Variants in TERF2 observed in about 807,000 individuals in gnomAD.
The protein encoded by TERF2 is telomeric repeat binding factor 2.
TERF2 carries 16 observed loss-of-function variants against 56.1 expected under a neutral mutation model. The ratio of observed to expected loss-of-function variants is 0.29; its 90% CI spans 0.19 to 0.43. The LOEUF is 0.43. TERF2 is among the 20% of genes least tolerant of loss of function. The pLI is 1.00. For synonymous variants in TERF2, 296 were observed against 282.1 expected (o/e 1.05, Z -0.50); for missense variants, 547 against 712.9 (o/e 0.77, Z 2.65).
rs560455013 is a variant in TERF2 at position 69,356,354 on chromosome 16, A to C, written c.*544T>G. ...AACGCTAATGATATTCTGGCACTGC[A>C]CAAGCTGTGTGCCTGTCATCTCTGC... On this transcript the variant is annotated 3_prime_UTR_variant, in exon 10 of 10. Coordinates refer to ENST00000254942, the MANE Select transcript of TERF2 (RefSeq NM_005652.5). 1 of 356,124 alleles carries C rather than the reference A, an allele frequency of 2.8e-6. No homozygotes were observed. The highest frequency in any genetic ancestry group is 5.5e-6 in the Non-Finnish European group (1 of 182,116). 22.1% of individuals were successfully genotyped at this position (356,124 alleles called of 1,614,324 possible). A position where few individuals can be genotyped will look rare whatever the true frequency, so the allele number is the denominator to read the frequency against.
intron 7 of TERF2, 48 bp downstream of exon 7, chr16:69,366,759 C>T: frequency 6.4e-7 from 1 of 1,559,336 alleles, no homozygotes; most frequent in Non-Finnish European, 8.7e-7. Context: ...CAGGCCCAAC[C>T]AGGACCACCA....
intron 9 of TERF2, 47 bp from the exon 10 acceptor site, chr16:69,357,103 T>G (rs764653255): frequency 3.2e-6 from 5 of 1,564,432 alleles, no homozygotes; most frequent in Non-Finnish European, 4.3e-6. Flanking sequence ...CCTCTCCACT[T>G]ACTTACATTT....
At chr16:69,381,529 C>T (rs559765649) in intron 3 of TERF2, among the ~76,000 whole-genome samples, 1 of 150,978 alleles carries the variant, frequency 6.6e-6, no homozygotes, top group East Asian at 2.0e-4. Context: ...CGTCCAGGCT[C>T]GAGTACAGAG....
rs536926260 is a variant in TERF2 at position 69,375,189 on chromosome 16, T to C, written c.607-2834A>G. Among the ~76,000 whole-genome samples the C allele has an allele frequency of 5.3e-5, 8 of 152,336 alleles. No individual in the cohort carries two copies. The South Asian group carries it at 1.7e-3, about 32-fold the overall frequency. On this transcript the variant is annotated intron_variant, in intron 3 of 9. Transcript: ENST00000254942. ...GGACATTTGAGATGTCTGCAATTTATGGTTATTATAAATAGAGATGCTAAA... is the reference window on the plus strand; with the variant it reads ...GGACATTTGAGATGTCTGCAATTTACGGTTATTATAAATAGAGATGCTAAA...
chr16:69,363,134 CAGG>C (rs1197527014), intron 7 of TERF2, among the ~76,000 whole-genome samples: 2 of 152,164 alleles, frequency 1.3e-5, no homozygotes, highest in Admixed American at 6.5e-5. Context: ...AAACATTTTA[CAGG>C]AGGTTTTTCC....
intron 3 of TERF2, among the ~76,000 whole-genome samples, chr16:69,377,422 G>A (rs2013835821): frequency 6.6e-6 from 1 of 151,960 alleles, no homozygotes; most frequent in Non-Finnish European, 1.5e-5. Flanking sequence ...CCACCTCGCA[G>A]GTTCAAGAGA....
At chr16:69,372,482 G>T in intron 3 of TERF2, 127 bp from the exon 4 acceptor site, 1 of 622,290 alleles carries the variant, frequency 1.6e-6, no homozygotes. Context: ...CAATTATAAA[G>T]CCAGGCGCGG....
chr16:69,371,636 G>C (rs1287471887), intron 4 of TERF2, among the ~76,000 whole-genome samples: 2 of 151,592 alleles, frequency 1.3e-5, no homozygotes, highest in Non-Finnish European at 2.9e-5. Flanking sequence ...GCAACATAAA[G>C]AGACCCTGTC....
chr16:69,385,112 T>A (rs2014142088), intron 2 of TERF2, among the ~76,000 whole-genome samples: 1 of 151,990 alleles, frequency 6.6e-6, no homozygotes, highest in Non-Finnish European at 1.5e-5. Flanking sequence ...AAAAAAGATG[T>A]CCATATGAAC....
At chr16:69,360,504 G>T (rs1283539369) in intron 8 of TERF2, among the ~76,000 whole-genome samples, 2 of 151,970 alleles carry the variant, frequency 1.3e-5, no homozygotes, top group Non-Finnish European at 2.9e-5. Flanking sequence ...AGGAGTTCGA[G>T]ATCATACTGG....
intron 3 of TERF2, among the ~76,000 whole-genome samples, chr16:69,383,871 C>G (rs558978772): frequency 6.6e-6 from 1 of 152,264 alleles, no homozygotes; most frequent in Non-Finnish European, 1.5e-5. Flanking sequence ...ACCTCTGCAT[C>G]TGCTTCCACA....
chr16:69,370,471 G>C lies in TERF2; in HGVS notation c.840+12C>G, dbSNP rs1223170608. 4 of 1,613,906 alleles carry C rather than the reference G, an allele frequency of 2.5e-6. No individual in the cohort carries two copies. The highest frequency in any genetic ancestry group is 1.7e-5 in the Admixed American group (1 of 59,930). ...GGCACACCATGGTTATGGGAGAAGG[G>C]CCAAGGCGCACCGTGAGGAGGTAGG... On this transcript the variant is annotated intron_variant, in intron 5 of 9. Coordinates refer to ENST00000254942, the MANE Select transcript of TERF2 (RefSeq NM_005652.5).
At position 69,356,994 on chromosome 16, in the gene TERF2, G is replaced by A. The variant is rs1421925689; in HGVS notation, c.1533C>T (p.Asn511=). The A allele has an allele frequency of 5.6e-6, 9 of 1,613,906 alleles. No homozygotes were observed. Among genetic ancestry groups the A allele is most frequent in the Non-Finnish European group, 7.6e-6 (9 of 1,179,962 alleles). Residue 511 remains asparagine, a synonymous_variant, in exon 10 of 10, where the codon AAC becomes AAT. Transcript: ENST00000254942. ...KAGVQKYGEG[N]WAAISKNYPF... ...GGTAATTTTTAGAAATGGCAGCCCA[G>A]TTTCCTTCCCCATATTTCTGCACTC...
intron 3 of TERF2, among the ~76,000 whole-genome samples, chr16:69,379,485 CA>C (rs2013915144): frequency 6.6e-6 from 1 of 152,182 alleles, no homozygotes; most frequent in Admixed American, 6.5e-5. Flanking sequence ...CCTAACAGAT[CA>C]ATCTCTCCTT....
At chr16:69,382,055 T>A (rs1471414430) in intron 3 of TERF2, among the ~76,000 whole-genome samples, 1 of 152,214 alleles carries the variant, frequency 6.6e-6, no homozygotes, top group Admixed American at 6.5e-5. Context: ...TACTCATCCT[T>A]GCTTTTGTAC....
In TERF2 at chr16:69,357,048, A is replaced by C; in HGVS notation, c.1479T>G (p.Thr493=). The change falls in exon 10 of 10, where the codon ACT becomes ACG. Residue 493 remains threonine, a synonymous_variant. Transcript: ENST00000254942. ...TTNITKKQKW[T]VEESEWVKAG... ...CCTTGACCCACTCGCTTTCTTCTAC[A>C]GTCCACTTCTGCAAAAGAAAACCAA... 6.2e-7 allele frequency: 1 copy of C among 1,602,972 alleles called. No individual in the cohort carries two copies. The highest frequency in any genetic ancestry group is 8.5e-7 in the Non-Finnish European group (1 of 1,177,172).
At chr16:69,363,416 G>T (rs893450052) in intron 7 of TERF2, among the ~76,000 whole-genome samples, 4 of 152,156 alleles carry the variant, frequency 2.6e-5, no homozygotes, top group Non-Finnish European at 5.9e-5. Context: ...CTGACTTTCA[G>T]GTGATGTGTT....
chr16:69,385,602 T>C lies in TERF2; in HGVS notation c.370A>G (p.Ile124Val). ...RYGDFRQIRDIMQALLVRPLG... is the reference protein window; with the variant it reads ...RYGDFRQIRDVMQALLVRPLG... ...CCGGCCCGGCCCTCACCCTGCATGATGTCCCGGATCTGTCTGAAGTCCCCG... is the reference window on the plus strand; with the variant it reads ...CCGGCCCGGCCCTCACCCTGCATGACGTCCCGGATCTGTCTGAAGTCCCCG... The change falls in exon 1 of 10, where the codon ATC becomes GTC. Residue 124 changes from isoleucine to valine, a missense_variant. Ile to Val is a conservative substitution (Grantham distance 29). Coordinates refer to ENST00000254942, the MANE Select transcript of TERF2 (RefSeq NM_005652.5). 1 of 1,391,436 alleles carries C rather than the reference T, an allele frequency of 7.2e-7. No individual in the cohort carries two copies. The highest frequency in any genetic ancestry group is 9.9e-7 in the Non-Finnish European group (1 of 1,007,112). 86.2% of individuals were successfully genotyped at this position (1,391,436 alleles called of 1,614,324 possible). A position where few individuals can be genotyped will look rare whatever the true frequency, so the allele number is the denominator to read the frequency against.
In TERF2 at chr16:69,361,372, C is replaced by CA. The variant is rs747107434; in HGVS notation, c.1426+31dup. 5 of 1,490,442 alleles carry CA rather than the reference C, an allele frequency of 3.4e-6. No homozygotes were observed. The South Asian group carries it at 5.6e-5, about 17-fold the overall frequency. The allele number at this position is 1,490,442 out of a possible 1,614,324, so 92.3% of individuals were successfully genotyped here. A position where few individuals can be genotyped will look rare whatever the true frequency, so the allele number is the denominator to read the frequency against. On this transcript the variant is annotated intron_variant, in intron 8 of 9. Coordinates refer to ENST00000254942, the MANE Select transcript of TERF2 (RefSeq NM_005652.5). The stretch of plus-strand genomic sequence containing the variant: ...CACGCATCTGTACTTCAGCAAGCAT[C>CA]AAGAAGAGGCCAAGGAGAATCTTCT...
Sources: gnomAD v4.1 joint callset for allele counts (sites outside exome capture counted in the v4.1 genomes callset) on GRCh38, gnomAD v4.1.1 for gene constraint, MANE v1.5 for transcripts, NCBI Gene and HGNC (gene_info 2026-07-23, HGNC 2026-07-21) for gene names.